The following ZIM2 variants were observed in gnomAD, a reference collection of about 807,000 sequenced individuals.
ZIM2 encodes the protein zinc finger protein 656.
A neutral mutation model predicts 38.6 loss-of-function variants in ZIM2; 14 were observed. The observed-to-expected ratio is 0.36, with a 90% CI of 0.24 to 0.57. The LOEUF (loss-of-function observed/expected upper bound fraction) is 0.57. Among genes scored for constraint, ZIM2 ranks in the 20% least tolerant of loss-of-function variants. ZIM2 has a pLI of 0.81. For missense variants in ZIM2, 680 were observed against 695.1 expected (o/e 0.98, Z 0.24); for synonymous variants, 247 against 245.8 (o/e 1.00, Z -0.04).
At chr19:56,838,135 CGTCA>C (rs1283494555) in intron 1 of ZIM2, among the ~76,000 whole-genome samples, 3 of 152,144 alleles carry the variant, frequency 2.0e-5, no homozygotes, top group Non-Finnish European at 4.4e-5. Flanking sequence ...ATGCAGACCC[CGTCA>C]GTCACTCAGT....
intron 1 of ZIM2, 46 bp downstream of exon 1, chr19:56,840,536 G>C (rs540839048): frequency 6.6e-6 from 1 of 152,290 alleles, no homozygotes; most frequent in African/African-American, 2.4e-5. Context: ...GCGACACCAA[G>C]GTCCCGCGGG....
At chr19:56,803,940 C>T (rs898664834) in intron 9 of ZIM2, among the ~76,000 whole-genome samples, 1 of 152,208 alleles carries the variant, frequency 6.6e-6, no homozygotes, top group Non-Finnish European at 1.5e-5. Flanking sequence ...TTCCTAAAAA[C>T]AGTTGCACTG....
At chr19:56,798,556 A>G (rs2047342646) in intron 9 of ZIM2, 1 of 152,224 alleles carries the variant, frequency 6.6e-6, no homozygotes, top group Admixed American at 6.5e-5. Flanking sequence ...GCACAGGCAA[A>G]TATTTCATGA....
Position 56,774,815 on chromosome 19 carries a change from C to T in ZIM2, c.1550G>A (p.Arg517Lys). 6.2e-7 allele frequency: 1 copy of T among 1,614,118 alleles called. No homozygotes were observed. Among genetic ancestry groups the T allele is most frequent in the Non-Finnish European group, 8.5e-7 (1 of 1,180,014 alleles). ...GTAAGGCCTCTCTTGAGTGTGAGTT[C>T]TATAATGCTGAATGAGATATGAATT... Reference protein sequence around the residue: ...SRNSYLIQHYRTHTQERPYQC... With the variant: ...SRNSYLIQHYKTHTQERPYQC... Residue 517 changes from arginine to lysine, a missense_variant, in exon 13 of 13, where the codon AGA becomes AAA. Coordinates refer to ENST00000629319, the MANE Select transcript of ZIM2 (RefSeq NM_001387356.1).
intron 10 of ZIM2, among the ~76,000 whole-genome samples, chr19:56,785,669 C>T (rs935870992): frequency 1.3e-5 from 2 of 152,132 alleles, no homozygotes; most frequent in Non-Finnish European, 2.9e-5. Flanking sequence ...TTCATTGTTG[C>T]AAAGTACATT....
intron 3 of ZIM2, 144 bp from the exon 4 acceptor site, chr19:56,824,571 TAGTCA>T (rs769292383): frequency 1.2e-6 from 2 of 1,614,146 alleles, no homozygotes; most frequent in East Asian, 4.5e-5. Context: ...TCCGGCTCCT[TAGTCA>T]AGTCACTGTC....
At position 56,836,001 on chromosome 19, in the gene ZIM2, G is replaced by A. The variant is rs368366933; in HGVS notation, c.-227+17C>T. 18 of 510,116 alleles carry A rather than the reference G, an allele frequency of 3.5e-5. No homozygotes were observed. Among genetic ancestry groups the A allele is most frequent in the East Asian group, 3.3e-4 (6 of 18,124 alleles). The allele number at this position is 510,116 out of a possible 1,614,324, so 31.6% of individuals were successfully genotyped here. ...CCAAAGATGAATGTGGCACTGTGAGGAGGAAATTCAACTCACCTGGACCCA... is the reference window on the plus strand; with the variant it reads ...CCAAAGATGAATGTGGCACTGTGAGAAGGAAATTCAACTCACCTGGACCCA... On this transcript the variant is annotated intron_variant, in intron 2 of 12. Coordinates refer to ENST00000629319, the MANE Select transcript of ZIM2 (RefSeq NM_001387356.1).
chr19:56,813,926 C>T (rs368209554), intron 9 of ZIM2: 1 of 1,614,198 alleles, frequency 6.2e-7, no homozygotes, highest in Non-Finnish European at 8.5e-7. Flanking sequence ...TCATGGCAGT[C>T]ATAGTATGGT....
rs746178283 is a variant in ZIM2, at chr19:56,814,814, T to G, written c.490+2932A>C. 1 of 1,614,172 alleles carries G rather than the reference T, an allele frequency of 6.2e-7. No individual in the cohort carries two copies. Among genetic ancestry groups the G allele is most frequent in the Admixed American group, 1.7e-5 (1 of 60,028 alleles). On this transcript the variant is annotated intron_variant, in intron 9 of 12. Transcript: ENST00000629319. This position sits in a 1 kb window ranked among gnomAD's most constrained non-coding sequence, Gnocchi z 5.8. ...GGATTCCTCTCTGCAGCACGATTCC[T>G]CCGTGGCTTCATGGGCAAGAGGGCA... is the stretch of plus-strand genomic sequence containing the variant.
chr19:56,779,367 C>A lies in ZIM2; in HGVS notation c.835+10G>T. 6.2e-7 allele frequency: 1 copy of A among 1,613,192 alleles called. No homozygotes were observed. Among genetic ancestry groups the A allele is most frequent in the Non-Finnish European group, 8.5e-7 (1 of 1,179,476 alleles). On this transcript the variant is annotated intron_variant, in intron 12 of 12. Coordinates refer to ENST00000629319, the MANE Select transcript of ZIM2 (RefSeq NM_001387356.1). ...CCTCCTACACCCCGGGCTTCCCCCT[C>A]ACTACTCACCTTGACAAATCACTGT...
At chr19:56,781,398 G>T (rs1384161306) in intron 11 of ZIM2, among the ~76,000 whole-genome samples, 2 of 152,200 alleles carry the variant, frequency 1.3e-5, no homozygotes, top group Admixed American at 1.3e-4. Flanking sequence ...CGTAAAGAGA[G>T]ATTGGCAATC....
intron 6 of ZIM2, 165 bp downstream of exon 6, chr19:56,822,588 C>CGAGTGGAG: frequency 2.4e-6 from 2 of 832,718 alleles, no homozygotes; most frequent in Non-Finnish European, 3.7e-6. Context: ...CTGGTGGTAC[C>CGAGTGGAG]GAGTGGAACT....
intron 9 of ZIM2, chr19:56,811,603 T>G: frequency 1.0e-6 from 1 of 985,344 alleles, no homozygotes; most frequent in Non-Finnish European, 1.2e-6. Context: ...GGGCTACCAC[T>G]GCCAACAATG....
At chr19:56,784,821 C>G (rs1186398913) in intron 10 of ZIM2, among the ~76,000 whole-genome samples, 2 of 152,020 alleles carry the variant, frequency 1.3e-5, no homozygotes, top group Non-Finnish European at 2.9e-5. Context: ...CACATAAGAT[C>G]CCTTGATACT....
At chr19:56,802,212 C>A (rs989302986) in intron 9 of ZIM2, among the ~76,000 whole-genome samples, 1 of 152,190 alleles carries the variant, frequency 6.6e-6, no homozygotes. Context: ...GGAGCCCAGG[C>A]TGACACTGGG....
intron 9 of ZIM2, chr19:56,811,544 GA>G: frequency 2.0e-6 from 2 of 985,282 alleles, no homozygotes; most frequent in Non-Finnish European, 2.4e-6. Flanking sequence ...TTCACTAGCT[GA>G]AGGTTGGAAC....
At chr19:56,794,811 C>T (rs2047112036) in intron 9 of ZIM2, among the ~76,000 whole-genome samples, 1 of 152,150 alleles carries the variant, frequency 6.6e-6, no homozygotes. Flanking sequence ...ACAAGGAGCC[C>T]CACATTTTCA....
At chr19:56,833,459 G>A (rs957774964) in intron 2 of ZIM2, 5 of 313,500 alleles carry the variant, frequency 1.6e-5, no homozygotes, top group African/African-American at 1.1e-4. Flanking sequence ...CGCACATGGA[G>A]TAAGATGCTG....
chr19:56,838,895 G>C (rs982858172), intron 1 of ZIM2, among the ~76,000 whole-genome samples: 1 of 152,124 alleles, frequency 6.6e-6, no homozygotes, highest in Non-Finnish European at 1.5e-5. Flanking sequence ...AACCGCAGCC[G>C]CCCCGATCAA....
Sources: allele counts gnomAD v4.1 joint callset (sites outside exome capture counted in the v4.1 genomes callset), GRCh38; gene constraint gnomAD v4.1.1; non-coding constraint Gnocchi (gnomAD v3.1); transcripts MANE v1.5; gene names NCBI Gene and HGNC (gene_info 2026-07-23, HGNC 2026-07-21).